Variants in PTPRK observed in about 807,000 individuals in gnomAD.
The protein encoded by PTPRK is protein tyrosine phosphatase receptor type K.
PTPRK carries 75 observed loss-of-function variants against 178.0 expected under a neutral mutation model. The ratio of observed to expected loss-of-function variants is 0.42; its 90% CI spans 0.35 to 0.51. The LOEUF (loss-of-function observed/expected upper bound fraction) is 0.51. Ranked by LOEUF, PTPRK falls within the 20% of genes least tolerant of loss-of-function variation. PTPRK has a pLI of 0.02. For synonymous variants in PTPRK, 637 were observed against 620.6 expected (o/e 1.03, Z -0.39); for missense variants, 1,441 against 1,797.8 (o/e 0.80, Z 3.59).
chr6:128,485,383 T>G (rs1239795512), intron 1 of PTPRK, among the ~76,000 whole-genome samples: 1 of 152,228 alleles, frequency 6.6e-6, no homozygotes, highest in Non-Finnish European at 1.5e-5. Flanking sequence ...TCCTGGCATC[T>G]CATGCCAATG....
rs1226883938 is a variant in PTPRK, at chr6:128,184,491, G to T, written c.1103C>A (p.Pro368His). The change falls in exon 7 of 30, where the codon CCT becomes CAT. Residue 368 changes from proline (P) to histidine (H), a missense_variant. Transcript: ENST00000368226. The part of the protein sequence containing the change: ...EYEIRVLLTR[P>H]GEGGTGLPGP... ...TGGGAGCCCCGTTCCACCTTCACCA[G>T]GTCTTGTAAGTAGAACTCGGATCTC... 2 of 1,613,730 alleles carry T rather than the reference G, an allele frequency of 1.2e-6. No homozygotes were observed. Among genetic ancestry groups the T allele is most frequent in the Admixed American group, 3.3e-5 (2 of 59,958 alleles).
At chr6:128,333,254 A>G (rs1830498863) in intron 2 of PTPRK, among the ~76,000 whole-genome samples, 1 of 152,216 alleles carries the variant, frequency 6.6e-6, no homozygotes, top group Admixed American at 6.5e-5. Context: ...TTGTCTGGAT[A>G]TACTTCAACA....
At chr6:128,036,945 T>C (rs1776332869) in intron 13 of PTPRK, among the ~76,000 whole-genome samples, 1 of 152,130 alleles carries the variant, frequency 6.6e-6, no homozygotes, top group African/African-American at 2.4e-5. Context: ...TTGGCCAGAA[T>C]GCTCTTGAAC....
chr6:128,489,420 T>A (rs1853443986), intron 1 of PTPRK, among the ~76,000 whole-genome samples: 1 of 152,152 alleles, frequency 6.6e-6, no homozygotes, highest in African/African-American at 2.4e-5. Context: ...ACAGAGCAGA[T>A]AATGGCTTGA....
intron 13 of PTPRK, among the ~76,000 whole-genome samples, chr6:128,043,529 C>A (rs1236749265): frequency 1.8e-5 from 1 of 55,798 alleles, no homozygotes; most frequent in Non-Finnish European, 4.8e-5. Context: ...CACTTATGAC[C>A]AATATCATAC....
intron 6 of PTPRK, among the ~76,000 whole-genome samples, chr6:128,208,045 C>T (rs927940696): frequency 6.6e-6 from 1 of 151,910 alleles, no homozygotes; most frequent in Admixed American, 6.6e-5. Flanking sequence ...GCATTTCTAC[C>T]ATCCATGTTG....
intron 1 of PTPRK, among the ~76,000 whole-genome samples, chr6:128,515,721 C>T (rs2128445776): frequency 6.6e-6 from 1 of 152,206 alleles, no homozygotes; most frequent in East Asian, 1.9e-4. Context: ...CACAGAATCC[C>T]TGTGTTCTTT....
At chr6:128,172,636 A>G (rs1460018304) in intron 7 of PTPRK, among the ~76,000 whole-genome samples, 2 of 150,674 alleles carry the variant, frequency 1.3e-5, no homozygotes, top group Admixed American at 6.6e-5. Context: ...GTGTGTGTGT[A>G]TATATATAAT....
At chr6:128,378,754 A>G (rs894357176) in intron 2 of PTPRK, among the ~76,000 whole-genome samples, 2 of 152,144 alleles carry the variant, frequency 1.3e-5, no homozygotes, top group African/African-American at 4.8e-5. Flanking sequence ...TCACTTTTGG[A>G]GAAATTTTAC....
chr6:128,492,091 G>T (rs745718081), intron 1 of PTPRK, among the ~76,000 whole-genome samples: 1 of 152,022 alleles, frequency 6.6e-6, no homozygotes, highest in Non-Finnish European at 1.5e-5. Flanking sequence ...AACACCCAAG[G>T]GTTTCATGAT....
At chr6:128,130,409 C>G (rs1411670999) in intron 7 of PTPRK, among the ~76,000 whole-genome samples, 2 of 152,152 alleles carry the variant, frequency 1.3e-5, no homozygotes, top group Non-Finnish European at 2.9e-5. Context: ...GTGTCTCATT[C>G]AGTGAATGGT....
intron 2 of PTPRK, among the ~76,000 whole-genome samples, chr6:128,380,393 T>TAA (rs539062837): frequency 2.2e-4 from 33 of 152,172 alleles, no homozygotes; most frequent in Middle Eastern, 3.4e-3. Context: ...TTTCCCCTTA[T>TAA]AAACGCAACC....
intron 7 of PTPRK, among the ~76,000 whole-genome samples, chr6:128,128,205 TA>T: frequency 6.6e-6 from 1 of 152,234 alleles, no homozygotes; most frequent in Admixed American, 6.5e-5. Context: ...TTTCATTTTT[TA>T]AAGTAGCTTT....
intron 1 of PTPRK, among the ~76,000 whole-genome samples, chr6:128,502,759 AC>A (rs1426673925): frequency 6.6e-6 from 1 of 152,234 alleles, no homozygotes; most frequent in African/African-American, 2.4e-5. Context: ...TAATTATTTT[AC>A]TATTAATTAT....
intron 3 of PTPRK, among the ~76,000 whole-genome samples, chr6:128,268,494 T>C (rs546325792): frequency 6.6e-6 from 1 of 152,146 alleles, no homozygotes. Flanking sequence ...TGATTTCGCC[T>C]TTCTTGGGAA....
intron 7 of PTPRK, among the ~76,000 whole-genome samples, chr6:128,132,730 C>G (rs756092845): frequency 6.6e-6 from 1 of 152,212 alleles, no homozygotes; most frequent in African/African-American, 2.4e-5. Flanking sequence ...ATTATTCCCA[C>G]CATACACAAC....
chr6:128,165,402 T>C (rs543950243), intron 7 of PTPRK, among the ~76,000 whole-genome samples: 44 of 151,454 alleles, frequency 2.9e-4, no homozygotes, highest in Admixed American at 9.2e-4. Context: ...GTTAATAATG[T>C]TTTCTTTTTG....
At chr6:127,976,144 G>A (rs527967446) in intron 27 of PTPRK, among the ~76,000 whole-genome samples, 7 of 152,324 alleles carry the variant, frequency 4.6e-5, no homozygotes, top group African/African-American at 1.7e-4. Flanking sequence ...CATAGGTTGA[G>A]ACGTTTAGGA....
At chr6:128,400,565 A>T (rs1296170781) in intron 1 of PTPRK, among the ~76,000 whole-genome samples, 1 of 152,188 alleles carries the variant, frequency 6.6e-6, no homozygotes, top group East Asian at 1.9e-4. Context: ...AAATGGTAAT[A>T]ACCCATGTTG....
Sources: gnomAD v4.1 joint callset for allele counts (sites outside exome capture counted in the v4.1 genomes callset) on GRCh38, gnomAD v4.1.1 for gene constraint, MANE v1.5 for transcripts, NCBI Gene and HGNC (gene_info 2026-07-23, HGNC 2026-07-21) for gene names.